Variants in ZFHX4 observed in about 807,000 individuals in gnomAD.
The protein encoded by ZFHX4 is zinc finger homeobox protein 4.
ZFHX4 carries 56 observed loss-of-function variants against 267.6 expected under a neutral mutation model. The ratio of observed to expected loss-of-function variants is 0.21; its 90% CI spans 0.17 to 0.26. The LOEUF (loss-of-function observed/expected upper bound fraction) is 0.26. Among genes scored for constraint, ZFHX4 ranks in the 10% least tolerant of loss-of-function variants. The pLI is 1.00. For synonymous variants in ZFHX4, 1,778 were observed against 1,665.6 expected, an observed-to-expected ratio of 1.07 and a Z score of -1.64; for missense variants, 4,332 against 4,420.0, an observed-to-expected ratio of 0.98 and a Z score of 0.56.
At chr8:76,708,212 A>G (rs1412856079) in intron 3 of ZFHX4, 164 bp downstream of exon 3, 2 of 865,856 alleles carry the variant, frequency 2.3e-6, no homozygotes, top group Non-Finnish European at 1.8e-6. Flanking sequence ...ATTGAAATAT[A>G]TGGAATTGAA....
At chr8:76,776,155 G>A (rs780450604) in intron 3 of ZFHX4, among the ~76,000 whole-genome samples, 10 of 151,908 alleles carry the variant, frequency 6.6e-5, no homozygotes, top group South Asian at 4.1e-4. Flanking sequence ...CATACTGTGC[G>A]TGCTATAAAG....
At chr8:76,860,445 A>G (rs2131973820) in intron 10 of ZFHX4, among the ~76,000 whole-genome samples, 1 of 152,224 alleles carries the variant, frequency 6.6e-6, no homozygotes, top group East Asian at 1.9e-4. Flanking sequence ...CTAAGTCAAC[A>G]ACTATTGCTC....
At chr8:76,761,153 C>A (rs979808343) in intron 3 of ZFHX4, among the ~76,000 whole-genome samples, 1 of 152,244 alleles carries the variant, frequency 6.6e-6, no homozygotes, top group South Asian at 2.1e-4. Flanking sequence ...AGACCTATAA[C>A]CAAACACTGT....
In ZFHX4 at chr8:76,759,450, C is replaced by T. The variant is rs78237635; in HGVS notation, c.3094-18758C>T. 2.2e-3 allele frequency among the ~76,000 whole-genome samples: 333 copies of T among 152,282 alleles called. 3 individuals are homozygous for T. The highest frequency in any genetic ancestry group is 7.8e-3 in the African/African-American group (326 of 41,552). On this transcript the variant is annotated intron_variant, in intron 3 of 10. Coordinates refer to ENST00000651372, the MANE Select transcript of ZFHX4 (RefSeq NM_024721.5). The stretch of plus-strand genomic sequence containing the variant: ...TCAATAGCATAGTGATCTATGTTGT[C>T]ATGCTAGTGAGGTCTTGGTGATGAA...
chr8:76,764,691 A>G (rs1193131655), intron 3 of ZFHX4, among the ~76,000 whole-genome samples: 3 of 152,204 alleles, frequency 2.0e-5, no homozygotes, highest in African/African-American at 4.8e-5. Context: ...CCAATTCCGT[A>G]CATTTTCACT....
At chr8:76,739,011 G>C (rs766294542) in intron 3 of ZFHX4, among the ~76,000 whole-genome samples, 1 of 151,964 alleles carries the variant, frequency 6.6e-6, no homozygotes, top group African/African-American at 2.4e-5. Context: ...CACCATGCCC[G>C]GTCTGCTTTT....
intron 3 of ZFHX4, among the ~76,000 whole-genome samples, chr8:76,746,921 A>G (rs1809474510): frequency 6.6e-6 from 1 of 152,208 alleles, no homozygotes; most frequent in Admixed American, 6.5e-5. Flanking sequence ...CTTTCAGTTA[A>G]CAAAGACTGT....
At position 76,864,371 on chromosome 8, in the gene ZFHX4, A is replaced by G. The variant is rs777249499; in HGVS notation, c.10657A>G (p.Thr3553Ala). 1.9e-6 allele frequency: 3 copies of G among 1,613,688 alleles called. No individual in the cohort carries two copies. Among genetic ancestry groups the G allele is most frequent in the Non-Finnish European group, 2.5e-6 (3 of 1,179,858 alleles). The change falls in exon 11 of 11, where the codon ACG (threonine) becomes GCG (alanine). Residue 3553 changes from threonine (T) to alanine (A), a missense_variant. Around this residue, in one of 7 missense-constraint regions of ZFHX4, gnomAD observed 1,648 missense variants for 1,625.0 expected, o/e 1.01. Transcript: ENST00000651372. ...SSPPSLSLPS[T>A]VTSSLCSTSG... ...TCCTCCTTCCCTTTCCTTGCCTTCA[A>G]CGGTTACCTCAAGTTTGTGCAGCAC...
At chr8:76,808,332 T>C (rs1275432474) in intron 4 of ZFHX4, among the ~76,000 whole-genome samples, 1 of 152,170 alleles carries the variant, frequency 6.6e-6, no homozygotes, top group Non-Finnish European at 1.5e-5. Context: ...CTTCCTTCTG[T>C]AATACTAAAA....
intron 3 of ZFHX4, among the ~76,000 whole-genome samples, chr8:76,768,286 G>A (rs1810141859): frequency 6.6e-6 from 1 of 152,164 alleles, no homozygotes; most frequent in African/African-American, 2.4e-5. Flanking sequence ...GAAATTCTTG[G>A]TAGGCATTGG....
chr8:76,709,800 T>C lies in ZFHX4; in HGVS notation c.3093+1752T>C, dbSNP rs867774862. Among the ~76,000 whole-genome samples, 151 of 137,648 alleles carry C rather than the reference T, an allele frequency of 1.1e-3. No homozygotes were observed. In the South Asian group the frequency reaches 0.021, roughly 19 times the overall value. The allele number at this position is 137,648 out of a possible 152,430, so 90.3% of individuals were successfully genotyped here. On this transcript the variant is annotated intron_variant, in intron 3 of 10. Coordinates refer to ENST00000651372, the MANE Select transcript of ZFHX4 (RefSeq NM_024721.5). Reference sequence around the variant, plus strand: ...ATGTGTGCGTGTGTGTGCGTGTGTGTGCGTGTGTGTGTGTGTGTGTGTGTG... The same window carrying C: ...ATGTGTGCGTGTGTGTGCGTGTGTGCGCGTGTGTGTGTGTGTGTGTGTGTG...
At chr8:76,795,000 T>TAG (rs1417981219) in intron 4 of ZFHX4, among the ~76,000 whole-genome samples, 1 of 151,812 alleles carries the variant, frequency 6.6e-6, no homozygotes. Flanking sequence ...AGCCTGCAAG[T>TAG]AGAGAGTCAA....
chr8:76,706,188 T>C lies in ZFHX4; in HGVS notation c.2100T>C (p.Arg700=), dbSNP rs748211249. Residue 700 remains arginine (R), a synonymous_variant, in exon 2 of 11, where the codon CGT becomes CGC. Coordinates refer to ENST00000651372, the MANE Select transcript of ZFHX4 (RefSeq NM_024721.5). The stretch of plus-strand genomic sequence containing the variant: ...ACACGTGTGGCTATAAACCCTTCCG[T>C]TGTGAGGTTTGTAACTACTCTACCA... ...ESYTCGYKPF[R]CEVCNYSTTT... 7 of 1,613,794 alleles carry C rather than the reference T, an allele frequency of 4.3e-6. No individual in the cohort carries two copies. The South Asian group carries it at 6.6e-5, about 15-fold the overall frequency.
chr8:76,731,892 T>TATTA (rs1563489788), intron 3 of ZFHX4, among the ~76,000 whole-genome samples: 2 of 149,760 alleles, frequency 1.3e-5, no homozygotes, highest in African/African-American at 2.4e-5. Flanking sequence ...TTATTATTAT[T>TATTA]TTTGAGACAG....
intron 5 of ZFHX4, 78 bp from the exon 6 acceptor site, chr8:76,842,577 A>T (rs1812262428): frequency 2.0e-6 from 2 of 1,003,898 alleles, no homozygotes; most frequent in South Asian, 3.2e-5. Flanking sequence ...CAAAGTTTTC[A>T]AGTGGCCACC....
At chr8:76,861,591 G>A (rs954826774) in intron 10 of ZFHX4, among the ~76,000 whole-genome samples, 5 of 151,978 alleles carry the variant, frequency 3.3e-5, no homozygotes, top group Admixed American at 2.6e-4. Context: ...AGGGTAATGT[G>A]ATAAGGATAA....
In ZFHX4 at chr8:76,866,991, T is replaced by C. The variant is rs1813051488; in HGVS notation, c.*2426T>C. On this transcript the variant is annotated 3_prime_UTR_variant, in exon 11 of 11. Transcript: ENST00000651372. Reference sequence around the variant, plus strand: ...TAGGAAATGCACCCTGAGGTTTTAATAAAAGCCCCTATGGCTATAACTTTA... The same window carrying C: ...TAGGAAATGCACCCTGAGGTTTTAACAAAAGCCCCTATGGCTATAACTTTA... 1.3e-5 allele frequency: 2 copies of C among 152,548 alleles called. No homozygotes were observed. The highest frequency in any genetic ancestry group is 4.1e-4 in the South Asian group (2 of 4,830). 9.4% of individuals were successfully genotyped at this position (152,548 alleles called of 1,614,324 possible). A position where few individuals can be genotyped will look rare whatever the true frequency, so the allele number is the denominator to read the frequency against.
At chr8:76,692,454 A>G (rs1161106935) in intron 1 of ZFHX4, among the ~76,000 whole-genome samples, 1 of 152,150 alleles carries the variant, frequency 6.6e-6, no homozygotes, top group Non-Finnish European at 1.5e-5. Flanking sequence ...ATACCAACCT[A>G]GAGAAGAGAT....
At chr8:76,799,028 A>T (rs1472824260) in intron 4 of ZFHX4, among the ~76,000 whole-genome samples, 1 of 152,196 alleles carries the variant, frequency 6.6e-6, no homozygotes, top group Admixed American at 6.6e-5. Flanking sequence ...TTACAATAAG[A>T]ATGTTTCATT....
Sources: gnomAD v4.1 joint callset for allele counts (sites outside exome capture counted in the v4.1 genomes callset) on GRCh38, gnomAD v4.1.1 for gene constraint, gnomAD v4.1.1 regional missense constraint, MANE v1.5 for transcripts, NCBI Gene and HGNC (gene_info 2026-07-23, HGNC 2026-07-21) for gene names.